Variants in CTNNBL1 observed in about 807,000 individuals in gnomAD.
The protein encoded by CTNNBL1 is beta-catenin-like protein 1.
A neutral mutation model predicts 72.7 loss-of-function variants in CTNNBL1; 31 were observed. The observed-to-expected ratio is 0.43, with a 90% CI of 0.32 to 0.58. CTNNBL1 has a LOEUF of 0.58. Ranked by LOEUF, CTNNBL1 falls within the 20% of genes least tolerant of loss-of-function variation. CTNNBL1 has a pLI of 0.08. For synonymous variants in CTNNBL1, 240 were observed against 267.3 expected, an observed-to-expected ratio of 0.90 and a Z score of 1.00; for missense variants, 534 against 725.1, an observed-to-expected ratio of 0.74 and a Z score of 3.03.
intron 3 of CTNNBL1, among the ~76,000 whole-genome samples, chr20:37,739,763 G>A (rs567152179): frequency 6.6e-6 from 1 of 152,148 alleles, no homozygotes. Context: ...GGAGATGGAC[G>A]GTGTCTTGTT....
At chr20:37,752,703 C>CT (rs1248554188) in intron 4 of CTNNBL1, among the ~76,000 whole-genome samples, 6 of 152,064 alleles carry the variant, frequency 3.9e-5, no homozygotes, top group African/African-American at 7.2e-5. Context: ...AAACACCACT[C>CT]TTTTTTTCCA....
intron 13 of CTNNBL1, among the ~76,000 whole-genome samples, chr20:37,853,384 GTGA>G (rs2072413040): frequency 6.6e-6 from 1 of 152,206 alleles, no homozygotes. Context: ...GGAGAAGCTT[GTGA>G]TGATAATTTT....
chr20:37,712,348 T>C (rs1223955434), intron 1 of CTNNBL1, among the ~76,000 whole-genome samples: 1 of 152,154 alleles, frequency 6.6e-6, no homozygotes, highest in Non-Finnish European at 1.5e-5. Context: ...GTAGGAAGCT[T>C]TAGAATCTAT....
At chr20:37,706,499 T>C (rs1008519838) in intron 1 of CTNNBL1, among the ~76,000 whole-genome samples, 1 of 152,252 alleles carries the variant, frequency 6.6e-6, no homozygotes, top group Non-Finnish European at 1.5e-5. Context: ...TGCTTATCCT[T>C]AGGAAACATT....
intron 11 of CTNNBL1, 105 bp downstream of exon 11, chr20:37,803,153 G>A (rs1413314013): frequency 3.4e-5 from 32 of 949,134 alleles, no homozygotes; most frequent in Non-Finnish European, 4.5e-5. Context: ...TAGAGGGGAA[G>A]AGTGCTACCT....
At chr20:37,825,104 G>A (rs903093904) in intron 11 of CTNNBL1, among the ~76,000 whole-genome samples, 3 of 152,212 alleles carry the variant, frequency 2.0e-5, no homozygotes, top group Admixed American at 6.5e-5. Flanking sequence ...TATAATCCCA[G>A]CACTTTTAGA....
intron 1 of CTNNBL1, among the ~76,000 whole-genome samples, chr20:37,709,258 A>G (rs1043860510): frequency 6.6e-6 from 1 of 152,192 alleles, no homozygotes; most frequent in Non-Finnish European, 1.5e-5. Flanking sequence ...TTTTGCTGGC[A>G]TTATTTTTAG....
chr20:37,731,304 C>T (rs1243205217), intron 1 of CTNNBL1, among the ~76,000 whole-genome samples: 2 of 151,820 alleles, frequency 1.3e-5, no homozygotes, highest in East Asian at 1.9e-4. Context: ...GGCACGATCT[C>T]GGCTCACCGC....
At chr20:37,774,173 C>T (rs919212867) in intron 7 of CTNNBL1, among the ~76,000 whole-genome samples, 1 of 152,150 alleles carries the variant, frequency 6.6e-6, no homozygotes, top group Admixed American at 6.5e-5. Flanking sequence ...CTCAGCTTCC[C>T]AAAGTGCTGG....
At chr20:37,772,403 T>A (rs894600451) in intron 7 of CTNNBL1, among the ~76,000 whole-genome samples, 4 of 152,170 alleles carry the variant, frequency 2.6e-5, no homozygotes, top group Non-Finnish European at 5.9e-5. Flanking sequence ...CAGGCTGGAG[T>A]GCAGTGGCGA....
At chr20:37,777,477 C>A in intron 8 of CTNNBL1, 60 bp downstream of exon 8, 3 of 1,541,838 alleles carry the variant, frequency 1.9e-6, no homozygotes, top group South Asian at 1.1e-5. Context: ...TGTTTCAGAT[C>A]ATGACAGCAA....
chr20:37,863,679 C>G (rs1345132162), intron 15 of CTNNBL1, among the ~76,000 whole-genome samples: 1 of 152,030 alleles, frequency 6.6e-6, no homozygotes, highest in African/African-American at 2.4e-5. Flanking sequence ...CTCCTGAGTT[C>G]TCCTAGGTGC....
At chr20:37,737,538 AT>A in intron 3 of CTNNBL1, 54 bp downstream of exon 3, 1 of 1,285,046 alleles carries the variant, frequency 7.8e-7, no homozygotes. Flanking sequence ...TCGTTGGCTA[AT>A]TTTGTTTTGA....
intron 3 of CTNNBL1, among the ~76,000 whole-genome samples, chr20:37,738,427 A>G (rs973826035): frequency 6.6e-6 from 1 of 152,240 alleles, no homozygotes; most frequent in African/African-American, 2.4e-5. Context: ...ATGAAGTGCT[A>G]TGTGAGGAAT....
intron 6 of CTNNBL1, among the ~76,000 whole-genome samples, chr20:37,766,334 C>T (rs2073467900): frequency 6.6e-6 from 1 of 152,180 alleles, no homozygotes; most frequent in Admixed American, 6.5e-5. Flanking sequence ...ATTTGCAGCT[C>T]GGTCAGCTAC....
At position 37,698,817 on chromosome 20, in the gene CTNNBL1, A is replaced by C. The variant is rs138346839; in HGVS notation, c.30+4665A>C. Among the ~76,000 whole-genome samples the C allele has an allele frequency of 4.3e-4, 65 of 152,290 alleles. No homozygotes were observed. The East Asian group carries it at 0.012, about 27-fold the overall frequency. Reference sequence around the variant, plus strand: ...TCCCAGCACTTTGGGAGGCCAAGGCAGGCGGATCTCTTGAGTCCAGGAGTT... The same window carrying C: ...TCCCAGCACTTTGGGAGGCCAAGGCCGGCGGATCTCTTGAGTCCAGGAGTT... On this transcript the variant is annotated intron_variant, in intron 1 of 15. Coordinates refer to ENST00000361383, the MANE Select transcript of CTNNBL1 (RefSeq NM_030877.5).
rs139428276 is a variant in CTNNBL1, at chr20:37,732,962, C to T, written c.114C>T (p.Arg38=). 25 of 1,613,996 alleles carry T rather than the reference C, an allele frequency of 1.5e-5. No homozygotes were observed. Among genetic ancestry groups the T allele is most frequent in the African/African-American group, 9.3e-5 (7 of 75,004 alleles). Residue 38 remains arginine (R), a synonymous_variant, in exon 2 of 16, where the codon CGC becomes CGT. Transcript: ENST00000361383. ...GGAAACAAACTGGTACTCGAGAACGCGGCCGCTATCGGGAAGAAGAAATGA... is the reference window on the plus strand; with the variant it reads ...GGAAACAAACTGGTACTCGAGAACGTGGCCGCTATCGGGAAGAAGAAATGA... ...MRRKQTGTRE[R]GRYREEEMTV... is the part of the protein sequence containing the mutation.
intron 11 of CTNNBL1, 41 bp from the exon 12 acceptor site, chr20:37,840,061 C>A: frequency 6.9e-7 from 1 of 1,458,756 alleles, no homozygotes; most frequent in Non-Finnish European, 9.6e-7. Context: ...ATAATTACTG[C>A]TCTGATCTCA....
At chr20:37,860,133 G>A (rs1041211014) in intron 14 of CTNNBL1, 97 bp downstream of exon 14, 34 of 1,517,274 alleles carry the variant, frequency 2.2e-5, no homozygotes, top group South Asian at 5.8e-5. Context: ...AGGGGGTCAC[G>A]CTCTCCTTGA....
Sources: gnomAD v4.1 joint callset for allele counts (sites outside exome capture counted in the v4.1 genomes callset) on GRCh38, gnomAD v4.1.1 for gene constraint, MANE v1.5 for transcripts, NCBI Gene and HGNC (gene_info 2026-07-23, HGNC 2026-07-21) for gene names.